Variants in DUSP4 observed in about 807,000 individuals in gnomAD.
DUSP4 encodes the protein dual specificity protein phosphatase 4.
A neutral mutation model predicts 27.2 loss-of-function variants in DUSP4; 12 were observed. That is an observed-to-expected ratio of 0.44 (90% confidence interval 0.28 to 0.71). The LOEUF is 0.71. Ranked by LOEUF, DUSP4 falls within the 30% of genes least tolerant of loss-of-function variation. The pLI, the probability that DUSP4 is intolerant of heterozygous loss-of-function variation, is 0.14. For missense variants in DUSP4, 448 were observed against 551.3 expected (o/e 0.81, Z 1.88); for synonymous variants, 257 against 245.2 (o/e 1.05, Z -0.45).
Position 29,337,335 on chromosome 8 carries a change from C to T in DUSP4, c.876G>A (p.Leu292=). 6.2e-7 allele frequency: 1 copy of T among 1,612,292 alleles called. No individual in the cohort carries two copies. The highest frequency in any genetic ancestry group is 2.2e-5 in the East Asian group (1 of 44,876). Residue 292 remains leucine (L), a synonymous_variant, in exon 4 of 4, where the codon CTG becomes CTA. Transcript: ENST00000240100. The surrounding 1 kb of genome is among the most constrained non-coding windows in gnomAD (Gnocchi z 6.4). ...CCCGTTTCTTCATCATCAGGTAGGCCAGGCAGATGGTGGCCGACCGCGAGA... is the reference window on the plus strand; with the variant it reads ...CCCGTTTCTTCATCATCAGGTAGGCTAGGCAGATGGTGGCCGACCGCGAGA... The part of the protein sequence containing the change: ...AGISRSATIC[L]AYLMMKKRVR...
rs1205812283 is a variant in DUSP4 at position 29,350,160 on chromosome 8, G to A, written c.119C>T (p.Pro40Leu). The stretch of plus-strand genomic sequence containing the variant: ...CAGCAGCAGGCACTTGCCGCCGCTC[G>A]GCAGCCCCAGGGTGCCGTGGCTGCC... ...GSGSHGTLGL[P>L]SGGKCLLLDC... Residue 40 changes from proline (P) to leucine (L), a missense_variant, in exon 1 of 4, where the codon CCG (proline) becomes CTG (leucine). Physicochemically the swap from Pro to Leu is moderately conservative, Grantham distance 98. Transcript: ENST00000240100. The A allele has an allele frequency of 1.2e-6, 2 of 1,609,456 alleles. No individual in the cohort carries two copies. Among genetic ancestry groups the A allele is most frequent in the East Asian group, 4.5e-5 (2 of 44,852 alleles).
chr8:29,349,694 AACCCCT>A, intron 1 of DUSP4, 146 bp downstream of exon 1: 1 of 1,131,550 alleles, frequency 8.8e-7, no homozygotes, highest in Non-Finnish European at 1.2e-6. Flanking sequence ...AAACCTTGCA[AACCCCT>A]ACACACCAAC....
chr8:29,345,676 T>C, intron 1 of DUSP4: 1 of 1,426,276 alleles, frequency 7.0e-7, no homozygotes, highest in South Asian at 1.6e-5. Flanking sequence ...GAGCAGTCCA[T>C]TTTTGTGGGT....
rs1328309319 is a variant in DUSP4, at chr8:29,336,012, C to G, written c.*1014G>C. ...CTGCAGTCCCAGCTACTCAGGAGGCCGAGGTGGGAGGATCTCTTGAGCCCA... is the reference window on the plus strand; with the variant it reads ...CTGCAGTCCCAGCTACTCAGGAGGCGGAGGTGGGAGGATCTCTTGAGCCCA... On this transcript the variant is annotated 3_prime_UTR_variant, in exon 4 of 4. Coordinates refer to ENST00000240100, the MANE Select transcript of DUSP4 (RefSeq NM_001394.7). The G allele has an allele frequency of 6.6e-6, 1 of 152,114 alleles. No homozygotes were observed. Among genetic ancestry groups the G allele is most frequent in the East Asian group, 1.9e-4 (1 of 5,196 alleles). The allele number at this position is 152,114 out of a possible 1,614,324, so 9.4% of individuals were successfully genotyped here.
intron 1 of DUSP4, chr8:29,348,144 G>C: frequency 1.0e-6 from 1 of 985,576 alleles, no homozygotes; most frequent in Non-Finnish European, 1.2e-6. Flanking sequence ...GTTCTAGCTG[G>C]TCCCGGGTTT....
rs913589402 is a variant in DUSP4, at chr8:29,348,504, T to C, written c.433+1342A>G. On this transcript the variant is annotated intron_variant, in intron 1 of 3. Coordinates refer to ENST00000240100, the MANE Select transcript of DUSP4 (RefSeq NM_001394.7). ...GAAAGAAAAATCAGCAAAATCGCCT[T>C]AGCAGTTCAACCAAAGGTCAACAGC... is the stretch of plus-strand genomic sequence containing the variant. 1.3e-5 allele frequency: 13 copies of C among 985,508 alleles called. No individual in the cohort carries two copies. The African/African-American group carries it at 2.3e-4, about 17-fold the overall frequency. 61.0% of individuals were successfully genotyped at this position (985,508 alleles called of 1,614,324 possible).
At position 29,335,280 on chromosome 8, in the gene DUSP4, A is replaced by G. The variant is rs999294192; in HGVS notation, c.*1746T>C. 2 of 151,982 alleles carry G rather than the reference A, an allele frequency of 1.3e-5. No homozygotes were observed. The highest frequency in any genetic ancestry group is 2.9e-5 in the Non-Finnish European group (2 of 67,970). 9.4% of individuals were successfully genotyped at this position (151,982 alleles called of 1,614,324 possible). A position where few individuals can be genotyped will look rare whatever the true frequency, so the allele number is the denominator to read the frequency against. ...TTCTCCATTTAGAAAGGCCCAACTA[A>G]GGATTCAAAATGGCACCCACGTGCC... On this transcript the variant is annotated 3_prime_UTR_variant, in exon 4 of 4. Transcript: ENST00000240100.
intron 1 of DUSP4, among the ~76,000 whole-genome samples, chr8:29,343,668 A>G (rs1161330226): frequency 6.6e-6 from 1 of 152,162 alleles, no homozygotes; most frequent in Non-Finnish European, 1.5e-5. Flanking sequence ...GCTTCTACCC[A>G]TTGGTTTCCT....
chr8:29,339,474 C>T (rs556618679), intron 2 of DUSP4, among the ~76,000 whole-genome samples: 1 of 152,294 alleles, frequency 6.6e-6, no homozygotes, highest in Admixed American at 6.5e-5. Context: ...AGGAGAATGA[C>T]CTCAGCTTCC....
Position 29,336,211 on chromosome 8 carries a change from CTTTT to C in DUSP4, c.*811_*814del, listed in dbSNP as rs113421452. ...TAGTGAGATGCTGTCTTTTTCTTTT[CTTTT>C]TTTTTTAAAAAGCAATTCAAACCTA... On this transcript the variant is annotated 3_prime_UTR_variant, in exon 4 of 4. Coordinates refer to ENST00000240100, the MANE Select transcript of DUSP4 (RefSeq NM_001394.7). 2.1e-5 allele frequency: 3 copies of C among 146,038 alleles called. No homozygotes were observed. The highest frequency in any genetic ancestry group is 4.5e-5 in the Non-Finnish European group (3 of 66,558). 9.0% of individuals were successfully genotyped at this position (146,038 alleles called of 1,614,324 possible).
Position 29,339,836 on chromosome 8 carries a change from C to G in DUSP4, c.579+262G>C, listed in dbSNP as rs1009819462. ...CTGGGCAACATAGCAAGACCCCCCC[C>G]CCCCATCTCTACCAAAAACCTTTTA... On this transcript the variant is annotated intron_variant, in intron 2 of 3. Coordinates refer to ENST00000240100, the MANE Select transcript of DUSP4 (RefSeq NM_001394.7). Among the ~76,000 whole-genome samples, 61 of 139,332 alleles carry G rather than the reference C, an allele frequency of 4.4e-4. 2 individuals carry two copies. The highest frequency in any genetic ancestry group is 5.5e-4 in the Non-Finnish European group (35 of 63,204). The allele number at this position is 139,332 out of a possible 152,430, so 91.4% of individuals were successfully genotyped here.
At chr8:29,339,981 G>A in intron 2 of DUSP4, 117 bp downstream of exon 2, 2 of 1,358,502 alleles carry the variant, frequency 1.5e-6, no homozygotes, top group South Asian at 2.9e-5. Context: ...GGGTGACAGA[G>A]CAAGACTGTC....
At chr8:29,339,836 C>CG (rs1295922232) in intron 2 of DUSP4, among the ~76,000 whole-genome samples, 2 of 139,332 alleles carry the variant, frequency 1.4e-5, no homozygotes, top group Non-Finnish European at 3.2e-5. Context: ...AGACCCCCCC[C>CG]CCCCATCTCT....
Position 29,345,276 on chromosome 8 carries a change from C to T in DUSP4, c.433+4570G>A, listed in dbSNP as rs559209420. 8.8e-6 allele frequency: 13 copies of T among 1,474,528 alleles called. No individual in the cohort carries two copies. In the Middle Eastern group the frequency reaches 8.7e-4, roughly 98 times the overall value. The allele number at this position is 1,474,528 out of a possible 1,614,324, so 91.3% of individuals were successfully genotyped here. On this transcript the variant is annotated intron_variant, in intron 1 of 3. Coordinates refer to ENST00000240100, the MANE Select transcript of DUSP4 (RefSeq NM_001394.7). ...TCTGGGGTTGTTTGAAGGCCATTTG[C>T]CTTTGGGAACTCTACTTTATGTGAC...
At position 29,342,889 on chromosome 8, in the gene DUSP4, T is replaced by C. The variant is rs561401875; in HGVS notation, c.434-2646A>G. Among the ~76,000 whole-genome samples, 19 of 152,244 alleles carry C rather than the reference T, an allele frequency of 1.2e-4. No individual in the cohort carries two copies. The South Asian group carries it at 1.5e-3, about 12-fold the overall frequency. On this transcript the variant is annotated intron_variant, in intron 1 of 3. Transcript: ENST00000240100. The stretch of plus-strand genomic sequence containing the variant: ...ACAAGCAAAAATGAACAAGGTGAGC[T>C]GGGCGCGGTGGCTCACGCCTGTAAT...
chr8:29,343,755 A>G (rs1817688307), intron 1 of DUSP4, among the ~76,000 whole-genome samples: 1 of 152,260 alleles, frequency 6.6e-6, no homozygotes, highest in Non-Finnish European at 1.5e-5. Flanking sequence ...AGGAGGATGC[A>G]CTGCCCTTAA....
At position 29,335,011 on chromosome 8, in the gene DUSP4, A is replaced by C. The variant is rs1325434634; in HGVS notation, c.*2015T>G. 1 of 152,102 alleles carries C rather than the reference A, an allele frequency of 6.6e-6. No homozygotes were observed. The highest frequency in any genetic ancestry group is 2.4e-5 in the African/African-American group (1 of 41,404). The allele number at this position is 152,102 out of a possible 1,614,324, so 9.4% of individuals were successfully genotyped here. Reference sequence around the variant, plus strand: ...ATGCCAGATGAGAAAGAGTATCCCAACGTGACGGTGACATTGAGGCTTGAC... The same window carrying C: ...ATGCCAGATGAGAAAGAGTATCCCACCGTGACGGTGACATTGAGGCTTGAC... On this transcript the variant is annotated 3_prime_UTR_variant, in exon 4 of 4. Transcript: ENST00000240100.
intron 2 of DUSP4, among the ~76,000 whole-genome samples, chr8:29,339,007 C>T (rs1817618087): frequency 6.6e-6 from 1 of 152,132 alleles, no homozygotes; most frequent in Non-Finnish European, 1.5e-5. Context: ...GCATGGGCAA[C>T]ACAGTGAGAC....
chr8:29,345,284 A>G, intron 1 of DUSP4: 1 of 1,512,546 alleles, frequency 6.6e-7, no homozygotes, highest in Admixed American at 2.0e-5. Flanking sequence ...TGCCTTTGGG[A>G]ACTCTACTTT....
Sources: gnomAD v4.1 joint callset for allele counts (sites outside exome capture counted in the v4.1 genomes callset) on GRCh38, gnomAD v4.1.1 for gene constraint, Gnocchi (gnomAD v3.1) non-coding constraint, MANE v1.5 for transcripts, NCBI Gene and HGNC (gene_info 2026-07-23, HGNC 2026-07-21) for gene names.